Variants in ZNF41 observed in about 807,000 individuals in gnomAD.
The protein encoded by ZNF41 is zinc finger protein 41.
ZNF41 carries 6 observed loss-of-function variants against 9.3 expected under a neutral mutation model. The observed-to-expected ratio is 0.65, with a 90% CI of 0.35 to 1.28. The LOEUF is 1.28. ZNF41 is among the 50% of genes most tolerant of loss of function. ZNF41 has a pLI of 0.03. For synonymous variants in ZNF41, 192 were observed against 207.1 expected (o/e 0.93, Z 0.63); for missense variants, 523 against 585.8 (o/e 0.89, Z 1.11).
chrX:47,448,680 A>G lies in ZNF41; in HGVS notation c.1090T>C (p.Phe364Leu). 8.3e-7 allele frequency: 1 copy of G among 1,211,364 alleles called. No individual in the cohort carries two copies. Residue 364 changes from phenylalanine to leucine, a missense_variant, in exon 5 of 5, where the codon TTT becomes CTT. Physicochemically the swap from Phe to Leu is conservative, Grantham distance 22 (BLOSUM62 0). Coordinates refer to ENST00000684689, the MANE Select transcript of ZNF41 (RefSeq NM_001324144.2). ...CTAAAGAGGTCTGATCTCTGGAAAA[A>G]GGCTTTTCCACATTCACTGCATTTG... ...PYKCSECGKA[F>L]FQRSDLFRHL...
intron 1 of ZNF41, among the ~76,000 whole-genome samples, chrX:47,472,433 C>CTTTTTTT (rs767484521): frequency 3.4e-5 from 2 of 58,078 alleles, no homozygotes; most frequent in African/African-American, 1.4e-4. Flanking sequence ...AACATGGCTT[C>CTTTTTTT]TTTTTTTTTT....
At chrX:47,454,367 C>G (rs2147549457) in intron 4 of ZNF41, among the ~76,000 whole-genome samples, 1 of 110,934 alleles carries the variant, frequency 9.0e-6, no homozygotes, top group South Asian at 3.8e-4. Flanking sequence ...CAGAGAGCTA[C>G]CCCTTTATAC....
intron 4 of ZNF41, among the ~76,000 whole-genome samples, chrX:47,454,346 T>TAA (rs1361679551): frequency 1.9e-5 from 2 of 105,664 alleles, no homozygotes; most frequent in East Asian, 2.9e-4. Context: ...ATCACGAGGT[T>TAA]AAAAAAAAAA....
intron 4 of ZNF41, among the ~76,000 whole-genome samples, chrX:47,454,466 A>G (rs1451862387): frequency 1.8e-5 from 2 of 112,037 alleles, no homozygotes; most frequent in Non-Finnish European, 3.8e-5. Context: ...CAGTGCAGCT[A>G]ATCTGAGAAT....
chrX:47,461,269 T>C (rs754512391), intron 2 of ZNF41, among the ~76,000 whole-genome samples: 1 of 106,833 alleles, frequency 9.4e-6, no homozygotes, highest in Admixed American at 1.0e-4. Context: ...AACCAATTTT[T>C]GTATTTTTAG....
chrX:47,462,796 C>G (rs2056843417), intron 2 of ZNF41, among the ~76,000 whole-genome samples: 1 of 109,072 alleles, frequency 9.2e-6, no homozygotes, highest in Non-Finnish European at 1.9e-5. Flanking sequence ...GTCACTCTGC[C>G]ACCCAGGCTG....
At position 47,448,819 on chromosome X, in the gene ZNF41, A is replaced by ATT. The variant is rs1371244670; in HGVS notation, c.950_951insAA (p.His317GlnfsTer59). The ATT allele has an allele frequency of 8.3e-7, 1 of 1,209,548 alleles. No homozygotes were observed. Among genetic ancestry groups the ATT allele is most frequent in the African/African-American group, 1.8e-5 (1 of 57,083 alleles). On this transcript the variant is annotated frameshift_variant, in exon 5 of 5. Coordinates refer to ENST00000684689, the MANE Select transcript of ZNF41 (RefSeq NM_001324144.2). LOFTEE classifies it low-confidence loss of function (END_TRUNC). ...GTTTTTCTCCTGTATAAACACTTGG[A>ATT]TGTACATCAACCTGGGGTTTCTGGG...
At chrX:47,458,165 G>A (rs1177822883) in intron 2 of ZNF41, among the ~76,000 whole-genome samples, 1 of 111,778 alleles carries the variant, frequency 8.9e-6, no homozygotes, top group Non-Finnish European at 1.9e-5. Context: ...GAACCAGGAA[G>A]GGCACACAGA....
intron 2 of ZNF41, among the ~76,000 whole-genome samples, chrX:47,457,943 G>A (rs1056934251): frequency 1.8e-5 from 2 of 112,457 alleles, no homozygotes; most frequent in African/African-American, 6.5e-5. Flanking sequence ...TCAGTTATCG[G>A]TTTTGTACAA....
At chrX:47,461,350 G>A (rs1192913927) in intron 2 of ZNF41, among the ~76,000 whole-genome samples, 20 of 109,208 alleles carry the variant, frequency 1.8e-4, no homozygotes, top group African/African-American at 6.6e-4. Flanking sequence ...CACCCGGCTC[G>A]GCCTCCCAAA....
chrX:47,479,825 G>A (rs2057425648), intron 1 of ZNF41, among the ~76,000 whole-genome samples: 1 of 111,516 alleles, frequency 9.0e-6, no homozygotes, highest in South Asian at 3.7e-4. Context: ...GGCTGGGTGC[G>A]GTGGCTCATG....
In ZNF41 at chrX:47,480,121, C is replaced by T. The variant is rs146509557; in HGVS notation, c.-280+2974G>A. ...TCAAAAAAAAAAGAAGAAGAATAAA[C>T]GCACAAGAAAATTAATTAAAGCAAC... On this transcript the variant is annotated intron_variant, in intron 1 of 4. Transcript: ENST00000684689. Among the ~76,000 whole-genome samples, 624 of 110,476 alleles carry T rather than the reference C, an allele frequency of 5.6e-3. 3 individuals carry two copies. Among genetic ancestry groups the T allele is most frequent in the African/African-American group, 0.019 (584 of 30,439 alleles).
chrX:47,453,540 A>G (rs2056440557), intron 4 of ZNF41, among the ~76,000 whole-genome samples: 1 of 112,090 alleles, frequency 8.9e-6, no homozygotes, highest in African/African-American at 3.2e-5. Context: ...GAAAATATAC[A>G]GATACGAGTT....
chrX:47,447,250 C>G lies in ZNF41; in HGVS notation c.*180G>C. 1.9e-6 allele frequency: 1 copy of G among 537,240 alleles called. No homozygotes were observed. Among genetic ancestry groups the G allele is most frequent in the East Asian group, 3.5e-5 (1 of 28,894 alleles). 44.3% of individuals were successfully genotyped at this position (537,240 alleles called of 1,213,427 possible). On this transcript the variant is annotated 3_prime_UTR_variant, in exon 5 of 5. Coordinates refer to ENST00000684689, the MANE Select transcript of ZNF41 (RefSeq NM_001324144.2). Reference sequence around the variant, plus strand: ...GAATTGCATATACACTGTGGTGATGCAGGAACTTGTCTTTCCAGTGGACTG... The same window carrying G: ...GAATTGCATATACACTGTGGTGATGGAGGAACTTGTCTTTCCAGTGGACTG...
At position 47,454,226 on chromosome X, in the gene ZNF41, T is replaced by C. The variant is rs1314761351; in HGVS notation, c.295+1695A>G. 2.7e-5 allele frequency among the ~76,000 whole-genome samples: 3 copies of C among 110,562 alleles called. No homozygotes were observed. In the Admixed American group the frequency reaches 2.9e-4, roughly 11 times the overall value. ...GAAACAGACAATTGAGGAGGCACAA[T>C]TGAAACCAGGGCAATGTTATGAACA... On this transcript the variant is annotated intron_variant, in intron 4 of 4. Coordinates refer to ENST00000684689, the MANE Select transcript of ZNF41 (RefSeq NM_001324144.2).
chrX:47,447,401 C>G lies in ZNF41; in HGVS notation c.*29G>C. 8.3e-7 allele frequency: 1 copy of G among 1,207,358 alleles called. No homozygotes were observed. Among genetic ancestry groups the G allele is most frequent in the East Asian group, 3.0e-5 (1 of 33,836 alleles). ...CTGCTATTAGATACCTGATGCATAC[C>G]CAGTTGTGATTTCCAGGTGAAGACT... On this transcript the variant is annotated 3_prime_UTR_variant, in exon 5 of 5. Transcript: ENST00000684689.
rs2056200768 is a variant in ZNF41 at position 47,448,217 on chromosome X, G to C, written c.1553C>G (p.Thr518Ser). 8.3e-7 allele frequency: 1 copy of C among 1,209,848 alleles called. No individual in the cohort carries two copies. Among genetic ancestry groups the C allele is most frequent in the South Asian group, 1.8e-5 (1 of 56,821 alleles). The change falls in exon 5 of 5, where the codon ACT (threonine) becomes AGT (serine). Residue 518 changes from threonine to serine, a missense_variant. Thr to Ser is a moderately conservative substitution (Grantham distance 58). Coordinates refer to ENST00000684689, the MANE Select transcript of ZNF41 (RefSeq NM_001324144.2). ...AGCACACATATAGGGTTTTTCCCCAGTATGAGTTTTCTGATGTGTGGTGAG... is the reference window on the plus strand; with the variant it reads ...AGCACACATATAGGGTTTTTCCCCACTATGAGTTTTCTGATGTGTGGTGAG... Reference protein sequence around the residue: ...TNLTTHQKTHTGEKPYMCAEC... With the variant: ...TNLTTHQKTHSGEKPYMCAEC...
At chrX:47,474,607 T>C (rs1176005260) in intron 1 of ZNF41, among the ~76,000 whole-genome samples, 2 of 110,367 alleles carry the variant, frequency 1.8e-5, no homozygotes, top group East Asian at 5.7e-4. Context: ...CTGGGTACAG[T>C]GGTTTGTGCC....
In ZNF41 at chrX:47,455,961, T is replaced by G. The variant is rs1218034938; in HGVS notation, c.255A>C (p.Pro85=). Reference sequence around the variant, plus strand: ...GTGGGGCTTCCCCCTCCAGCATCCATGGCCCCTCTCCTTGCTCCAACTTGA... The same window carrying G: ...GTGGGGCTTCCCCCTCCAGCATCCAGGGCCCCTCTCCTTGCTCCAACTTGA... The part of the protein sequence containing the change: ...AAFKLEQGEG[P]WMLEGEAPHQ... The change falls in exon 4 of 5, where the codon CCA becomes CCC. Residue 85 remains proline (P), a synonymous_variant. Coordinates refer to ENST00000684689, the MANE Select transcript of ZNF41 (RefSeq NM_001324144.2). The G allele has an allele frequency of 8.3e-7, 1 of 1,210,006 alleles. No individual in the cohort carries two copies. Among genetic ancestry groups the G allele is most frequent in the Non-Finnish European group, 1.1e-6 (1 of 895,287 alleles).
Sources: allele counts gnomAD v4.1 joint callset (sites outside exome capture counted in the v4.1 genomes callset), GRCh38; gene constraint gnomAD v4.1.1; transcripts MANE v1.5; gene names NCBI Gene and HGNC (gene_info 2026-07-23, HGNC 2026-07-21).